BTBD3: variants seen among roughly 807,000 people sequenced by gnomAD.
BTBD3 encodes the protein BTB domain containing 3.
In BTBD3, 14 loss-of-function variants were observed where a neutral mutation model predicts 41.6. The ratio of observed to expected loss-of-function variants is 0.34; its 90% CI spans 0.22 to 0.53. The LOEUF is 0.53. Ranked by LOEUF, BTBD3 falls within the 20% of genes least tolerant of loss-of-function variation. The probability of loss-of-function intolerance (pLI) is 0.95; values close to 1 mark genes in which losing one functional copy is unlikely to be tolerated. For missense variants in BTBD3, 426 were observed against 654.7 expected (o/e 0.65, Z 3.81); for synonymous variants, 249 against 233.7 (o/e 1.07, Z -0.60).
In BTBD3 at chr20:11,918,268, C is replaced by T. The variant is rs1600244086; in HGVS notation, c.-8C>T. 3.8e-6 allele frequency: 6 copies of T among 1,562,976 alleles called. No homozygotes were observed. The African/African-American group carries it at 4.1e-5, about 11-fold the overall frequency. ...ATATCTAACTCTAAAGAGAGACACACTGTACTCATGGTAGATGACAAGGAA... is the reference window on the plus strand; with the variant it reads ...ATATCTAACTCTAAAGAGAGACACATTGTACTCATGGTAGATGACAAGGAA... On this transcript the variant is annotated 5_prime_UTR_variant, in exon 1 of 4. Coordinates refer to ENST00000378226, the MANE Select transcript of BTBD3 (RefSeq NM_014962.4).
rs1010413319 is a variant in BTBD3 at position 11,923,913 on chromosome 20, A to G, written c.*247A>G. ...CTTTGTGGTTTTTAGAGTTGCATCT[A>G]TGAACCTGGGGAGATTATGTGCTTT... On this transcript the variant is annotated 3_prime_UTR_variant, in exon 4 of 4. Transcript: ENST00000378226. The surrounding 1 kb of genome is among the most constrained non-coding windows in gnomAD (Gnocchi z 5.3). 7.0e-6 allele frequency: 3 copies of G among 431,288 alleles called. No homozygotes were observed. Among genetic ancestry groups the G allele is most frequent in the African/African-American group, 6.0e-5 (3 of 49,696 alleles). The allele number at this position is 431,288 out of a possible 1,614,324, so 26.7% of individuals were successfully genotyped here.
At chr20:11,916,101 C>T (rs2056916338), upstream of BTBD3, among the ~76,000 whole-genome samples, 1 of 152,102 alleles carries the variant, frequency 6.6e-6, no homozygotes. Flanking sequence ...CAGCTGGTTT[C>T]CCTTTCCATT....
rs2056939615 is a variant in BTBD3 at position 11,918,688 on chromosome 20, A to G, written c.326+87A>G. The G allele has an allele frequency of 6.6e-6, 9 of 1,367,062 alleles. No homozygotes were observed. The South Asian group carries it at 1.4e-4, about 21-fold the overall frequency. The allele number at this position is 1,367,062 out of a possible 1,614,324, so 84.7% of individuals were successfully genotyped here. A position where few individuals can be genotyped will look rare whatever the true frequency, so the allele number is the denominator to read the frequency against. On this transcript the variant is annotated intron_variant, in intron 1 of 3. Coordinates refer to ENST00000378226, the MANE Select transcript of BTBD3 (RefSeq NM_014962.4). ...CAAAACCTGTAATGTATTTGAACAC[A>G]AATCTGTTTCCTCTTTTCCCAGAAG...
In BTBD3 at chr20:11,923,844, C is replaced by T. The variant is rs530243995; in HGVS notation, c.*178C>T. 3.6e-5 allele frequency: 22 copies of T among 611,874 alleles called. No individual in the cohort carries two copies. The highest frequency in any genetic ancestry group is 9.2e-5 in the African/African-American group (5 of 54,206). 37.9% of individuals were successfully genotyped at this position (611,874 alleles called of 1,614,324 possible). A position where few individuals can be genotyped will look rare whatever the true frequency, so the allele number is the denominator to read the frequency against. On this transcript the variant is annotated 3_prime_UTR_variant, in exon 4 of 4. Coordinates refer to ENST00000378226, the MANE Select transcript of BTBD3 (RefSeq NM_014962.4). This position sits in a 1 kb window ranked among gnomAD's most constrained non-coding sequence, Gnocchi z 5.3. ...ATGTACAGGCAAAAATGCAGCATTC[C>T]GCTTTTAACTATCTGCTTAAAAGAG... is the stretch of plus-strand genomic sequence containing the variant.
intron 1 of BTBD3, among the ~76,000 whole-genome samples, chr20:11,892,294 T>C (rs988137211): frequency 2.9e-5 from 3 of 103,978 alleles, no homozygotes; most frequent in Non-Finnish European, 6.9e-5. Flanking sequence ...AGCCAAGGGC[T>C]TTCCCCTTCT....
At chr20:11,898,687 T>C (rs1275826462) in intron 1 of BTBD3, among the ~76,000 whole-genome samples, 1 of 152,192 alleles carries the variant, frequency 6.6e-6, no homozygotes, top group Non-Finnish European at 1.5e-5. Flanking sequence ...TTTCAGTGAA[T>C]TTCCCATAAA....
chr20:11,892,584 G>A (rs1272144820), intron 1 of BTBD3: 1 of 152,232 alleles, frequency 6.6e-6, no homozygotes, highest in African/African-American at 2.4e-5. Context: ...TTCTTTCTGA[G>A]ATACTTACAG....
Position 11,923,084 on chromosome 20 carries a change from T to G in BTBD3, c.987T>G (p.Asp329Glu). The G allele has an allele frequency of 5.0e-6, 8 of 1,614,040 alleles. No individual in the cohort carries two copies. The highest frequency in any genetic ancestry group is 6.8e-6 in the Non-Finnish European group (8 of 1,180,040). ...LIRIPTMALD[D>E]FANGAAQSGV... The stretch of plus-strand genomic sequence containing the variant: ...GCATACCCACAATGGCCCTCGATGA[T>G]TTTGCAAATGGTGCTGCACAGTCCG... The change falls in exon 4 of 4, where the codon GAT (aspartate) becomes GAG (glutamate). Residue 329 changes from aspartate to glutamate, a missense_variant. By Grantham distance (45) the Asp-to-Glu change is conservative. Coordinates refer to ENST00000378226, the MANE Select transcript of BTBD3 (RefSeq NM_014962.4). This position sits in a 1 kb window ranked among gnomAD's most constrained non-coding sequence, Gnocchi z 5.3.
At chr20:11,915,897 C>A (rs2056915065), upstream of BTBD3, among the ~76,000 whole-genome samples, 1 of 152,192 alleles carries the variant, frequency 6.6e-6, no homozygotes, top group African/African-American at 2.4e-5. Flanking sequence ...CAAACTGTTA[C>A]ATCCACTTTA....
chr20:11,893,496 C>T (rs965259839), intron 1 of BTBD3, among the ~76,000 whole-genome samples: 4 of 152,172 alleles, frequency 2.6e-5, no homozygotes, highest in African/African-American at 9.7e-5. Flanking sequence ...CTTAATCTTC[C>T]CTTCTTTCAT....
rs150717323 is a variant in BTBD3 at position 11,903,347 on chromosome 20, C to T, written c.-126+12393C>T. Among the ~76,000 whole-genome samples, 1,509 of 152,258 alleles carry T rather than the reference C, an allele frequency of 9.9e-3. 11 individuals carry two copies. Among genetic ancestry groups the T allele is most frequent in the Non-Finnish European group, 0.016 (1,076 of 68,016 alleles). ...AGGAGAACACCAAAGATTGCTACCC[C>T]CAATTCTCCTAAGGAAATGTGATGT... On this transcript the variant is annotated intron_variant, in intron 1 of 4. Transcript: ENST00000254977.
At chr20:11,902,589 T>C (rs1177636681) in intron 1 of BTBD3, among the ~76,000 whole-genome samples, 1 of 152,228 alleles carries the variant, frequency 6.6e-6, no homozygotes, top group Non-Finnish European at 1.5e-5. Context: ...CATGCTGAGA[T>C]GATTAGCATC....
At chr20:11,898,757 A>G (rs1257863557) in intron 1 of BTBD3, among the ~76,000 whole-genome samples, 4 of 152,182 alleles carry the variant, frequency 2.6e-5, no homozygotes, top group African/African-American at 9.7e-5. Context: ...CCCACCAGCA[A>G]GGGAGAAGTT....
Position 11,923,590 on chromosome 20 carries a change from T to G in BTBD3, c.1493T>G (p.Phe498Cys). Residue 498 changes from phenylalanine (F) to cysteine (C), a missense_variant, in exon 4 of 4, where the codon TTT (phenylalanine) becomes TGT (cysteine). Phe to Cys is a radical substitution (Grantham distance 205, BLOSUM62 -2). Around this residue, in one of 3 missense-constraint regions of BTBD3, gnomAD observed 321 missense variants for 534.8 expected, o/e 0.60. Coordinates refer to ENST00000378226, the MANE Select transcript of BTBD3 (RefSeq NM_014962.4). This position sits in a 1 kb window ranked among gnomAD's most constrained non-coding sequence, Gnocchi z 5.3. ...EVQCGKVTVQ[F>C]QCSSDSTNGT... is the part of the protein sequence containing the mutation. ...CAGTGTGGCAAAGTGACTGTCCAGT[T>G]TCAGTGCTCCTCAGATAGCACCAAT... 1.2e-6 allele frequency: 2 copies of G among 1,614,088 alleles called. No homozygotes were observed. Among genetic ancestry groups the G allele is most frequent in the Non-Finnish European group, 1.7e-6 (2 of 1,180,012 alleles).
At chr20:11,898,418 A>G (rs960851868) in intron 1 of BTBD3, among the ~76,000 whole-genome samples, 1 of 152,026 alleles carries the variant, frequency 6.6e-6, no homozygotes, top group Non-Finnish European at 1.5e-5. Flanking sequence ...CTGTGCGATT[A>G]CTCTAGTTAC....
intron 1 of BTBD3, among the ~76,000 whole-genome samples, chr20:11,903,338 T>C (rs946567846): frequency 2.0e-5 from 3 of 152,166 alleles, no homozygotes; most frequent in African/African-American, 7.2e-5. Flanking sequence ...ACACCAAAGA[T>C]TGCTACCCCC....
At chr20:11,919,347 CT>C (rs2056945099) in intron 2 of BTBD3, 171 bp downstream of exon 2, 1 of 1,409,042 alleles carries the variant, frequency 7.1e-7, no homozygotes, top group South Asian at 1.6e-5. Context: ...TTAATTTTTT[CT>C]TTGTTTCCTT....
Position 11,918,514 on chromosome 20 carries a change from TCCAGCAGTACCA to T in BTBD3, c.247_258del (p.Tyr83_Gln86del). ...CCAGCCAACTCCAGCAGCACCAGCG[TCCAGCAGTACCA>T]CCAGCAGAATCTCAGTAACAACAAC... On this transcript the variant is annotated inframe_deletion, in exon 1 of 4. Transcript: ENST00000378226. 6.2e-7 allele frequency: 1 copy of T among 1,614,156 alleles called. No homozygotes were observed. The highest frequency in any genetic ancestry group is 1.1e-5 in the South Asian group (1 of 91,076).
intron 3 of BTBD3, among the ~76,000 whole-genome samples, chr20:11,920,094 CTTAAAA>C (rs997132665): frequency 6.6e-6 from 1 of 152,146 alleles, no homozygotes; most frequent in Non-Finnish European, 1.5e-5. Flanking sequence ...TTTTTAACAA[CTTAAAA>C]TTAAAGACAA....
Sources: gnomAD v4.1 joint callset for allele counts (sites outside exome capture counted in the v4.1 genomes callset) on GRCh38, gnomAD v4.1.1 for gene constraint, gnomAD v4.1.1 regional missense constraint, Gnocchi (gnomAD v3.1) non-coding constraint, MANE v1.5 for transcripts, NCBI Gene and HGNC (gene_info 2026-07-23, HGNC 2026-07-21) for gene names.